Variants in ZNF536 observed in about 807,000 individuals in gnomAD.
ZNF536 encodes zinc finger protein 536.
In ZNF536, 13 loss-of-function variants were observed where a neutral mutation model predicts 84.5. That is an observed-to-expected ratio of 0.15 (90% CI 0.10 to 0.24). The LOEUF (loss-of-function observed/expected upper bound fraction) is 0.24. Ranked by LOEUF, ZNF536 falls within the 10% of genes least tolerant of loss-of-function variation. The probability of loss-of-function intolerance (pLI) is 1.00; values close to 1 mark genes in which losing one functional copy is unlikely to be tolerated. For missense variants in ZNF536, 1,536 were observed against 1,747.5 expected (o/e 0.88, Z 2.16); for synonymous variants, 811 against 742.5 (o/e 1.09, Z -1.50).
At chr19:30,317,350 A>AC (rs947795866) in intron 2 of ZNF536, among the ~76,000 whole-genome samples, 48 of 151,992 alleles carry the variant, frequency 3.2e-4, no homozygotes, top group African/African-American at 1.0e-3. Flanking sequence ...ATCTCAAGCC[A>AC]CCCCCCAGGC....
intron 2 of ZNF536, among the ~76,000 whole-genome samples, chr19:30,348,526 G>A (rs367807624): frequency 6.6e-6 from 1 of 152,184 alleles, no homozygotes; most frequent in African/African-American, 2.4e-5. Context: ...CCCTCAACAA[G>A]TCTTCCTGTG....
At chr19:30,402,392 T>C (rs554331395) in intron 1 of ZNF536, among the ~76,000 whole-genome samples, 9 of 152,310 alleles carry the variant, frequency 5.9e-5, no homozygotes, top group South Asian at 2.1e-4. Flanking sequence ...TTTTGGGTTA[T>C]ACTGATGTCA....
chr19:30,266,774 C>T (rs78552036), intron 1 of ZNF536, among the ~76,000 whole-genome samples: 2,449 of 152,186 alleles, frequency 0.016, 68 homozygotes, highest in African/African-American at 0.055. Context: ...ATTTAAAATA[C>T]CTTCTACTTA....
chr19:30,260,072 G>A (rs557972103), intron 1 of ZNF536, among the ~76,000 whole-genome samples: 1 of 152,246 alleles, frequency 6.6e-6, no homozygotes, highest in South Asian at 2.1e-4. Flanking sequence ...GCTATTGGAT[G>A]CTTCTTTCTT....
intron 2 of ZNF536, among the ~76,000 whole-genome samples, chr19:30,328,910 C>T (rs1357027804): frequency 6.6e-6 from 1 of 152,220 alleles, no homozygotes; most frequent in East Asian, 1.9e-4. Flanking sequence ...TTCTCTCTCT[C>T]ACTTTTCTAC....
At chr19:30,263,294 TA>T (rs2025324148) in intron 1 of ZNF536, among the ~76,000 whole-genome samples, 1 of 152,168 alleles carries the variant, frequency 6.6e-6, no homozygotes, top group Admixed American at 6.5e-5. Flanking sequence ...GGAAAGCATT[TA>T]CTGGGTCCCT....
intron 1 of ZNF536, among the ~76,000 whole-genome samples, chr19:30,384,165 G>A (rs1251031732): frequency 2.0e-5 from 1 of 49,796 alleles, no homozygotes; most frequent in Admixed American, 2.4e-4. Context: ...TCTTTCTTTC[G>A]TTTCCTTCTT....
chr19:30,583,245 T>C (rs191148395), intron 1 of ZNF536, among the ~76,000 whole-genome samples: 1 of 152,024 alleles, frequency 6.6e-6, no homozygotes, highest in East Asian at 1.9e-4. Flanking sequence ...AGTGTGGGAG[T>C]CACAGGAGGA....
intron 1 of ZNF536, among the ~76,000 whole-genome samples, chr19:30,430,413 TCA>T (rs1246085719): frequency 6.6e-6 from 1 of 152,180 alleles, no homozygotes; most frequent in Admixed American, 6.5e-5. Context: ...AAGCCGATGG[TCA>T]CAGTGTGGCC....
intron 1 of ZNF536, among the ~76,000 whole-genome samples, chr19:30,383,715 C>CT (rs1244898575): frequency 2.5e-5 from 1 of 40,374 alleles, no homozygotes; most frequent in African/African-American, 8.6e-5. Flanking sequence ...TTCTTTCTTT[C>CT]TTTCTTTCTT....
intron 3 of ZNF536, among the ~76,000 whole-genome samples, chr19:30,539,705 TG>T (rs547417983): frequency 2.0e-5 from 3 of 152,138 alleles, no homozygotes; most frequent in African/African-American, 7.2e-5. Context: ...GCCAGGTGCC[TG>T]GGGGTACTCT....
intron 1 of ZNF536, among the ~76,000 whole-genome samples, chr19:30,678,740 CA>C (rs201348390): frequency 6.6e-5 from 10 of 150,434 alleles, no homozygotes; most frequent in Non-Finnish European, 1.0e-4. Context: ...CAAGCCCCCC[CA>C]CACACACCTA....
At chr19:30,229,512 G>A (rs1385162086) in intron 1 of ZNF536, among the ~76,000 whole-genome samples, 1 of 152,146 alleles carries the variant, frequency 6.6e-6, no homozygotes, top group East Asian at 1.9e-4. Flanking sequence ...CTTGTTTGCC[G>A]GCCAGCCTGG....
intron 1 of ZNF536, among the ~76,000 whole-genome samples, chr19:30,655,624 G>A (rs1394532180): frequency 1.3e-5 from 2 of 152,236 alleles, no homozygotes; most frequent in Non-Finnish European, 2.9e-5. Flanking sequence ...GCAGAATTGA[G>A]CTGGGCCTGC....
rs369935263 is a variant in ZNF536, at chr19:30,445,574, G to C, written c.2012G>C (p.Arg671Pro). 1.9e-6 allele frequency: 3 copies of C among 1,613,202 alleles called. No individual in the cohort carries two copies. The highest frequency in any genetic ancestry group is 3.3e-5 in the Admixed American group (2 of 60,004). The change falls in exon 2 of 5, where the codon CGG becomes CCG. Residue 671 changes from arginine to proline, a missense_variant. Arg to Pro is a moderately radical substitution (Grantham distance 103, BLOSUM62 -2). This residue lies in a region of ZNF536 where 366 missense variants were observed against 364.4 expected (regional missense o/e 1.00). Coordinates refer to ENST00000355537, the MANE Select transcript of ZNF536 (RefSeq NM_014717.3). The surrounding 1 kb of genome is among the most constrained non-coding windows in gnomAD (Gnocchi z 4.5). ...EDGLHVGLDE[R>P]RGSGSDQESQ... ...GGGCTGCACGTGGGCCTGGATGAGC[G>C]GCGTGGCTCGGGCAGTGACCAGGAG...
chr19:30,380,491 T>A (rs2048981878), intron 1 of ZNF536, among the ~76,000 whole-genome samples: 1 of 152,168 alleles, frequency 6.6e-6, no homozygotes, highest in African/African-American at 2.4e-5. Flanking sequence ...ATCTGAGTTA[T>A]CAGTGGCCAA....
rs5827705 is a variant in ZNF536, at chr19:30,348,814, CT to C, written c.-119-3541del. On this transcript the variant is annotated intron_variant, in intron 2 of 5. Coordinates refer to the ZNF536 transcript ENST00000585628. Reference sequence around the variant, plus strand: ...CATCCATTTTCTTTTTTTTTCTTTTCTTTTTTTTTTTTTATTTTCACGTGAT... The same window carrying C: ...CATCCATTTTCTTTTTTTTTCTTTTCTTTTTTTTTTTTATTTTCACGTGAT... Among the ~76,000 whole-genome samples the C allele has an allele frequency of 2.8e-3, 365 of 132,514 alleles. 1 individual carries two copies. Among genetic ancestry groups the C allele is most frequent in the African/African-American group, 4.6e-3 (170 of 36,592 alleles). The allele number at this position is 132,514 out of a possible 152,430, so 86.9% of individuals were successfully genotyped here. A position where few individuals can be genotyped will look rare whatever the true frequency, so the allele number is the denominator to read the frequency against.
At chr19:30,473,605 C>T (rs2053729509) in intron 2 of ZNF536, among the ~76,000 whole-genome samples, 1 of 152,236 alleles carries the variant, frequency 6.6e-6, no homozygotes, top group Admixed American at 6.5e-5. Flanking sequence ...CCCATCCTCA[C>T]ACATGCCTCC....
chr19:30,396,952 A>G (rs572520845), intron 1 of ZNF536, among the ~76,000 whole-genome samples: 1 of 152,056 alleles, frequency 6.6e-6, no homozygotes, highest in African/African-American at 2.4e-5. Context: ...CCAGCTAGGC[A>G]CCTCCACCTT....
Sources: allele counts gnomAD v4.1 joint callset (sites outside exome capture counted in the v4.1 genomes callset), GRCh38; gene constraint gnomAD v4.1.1; regional missense constraint gnomAD v4.1.1; non-coding constraint Gnocchi (gnomAD v3.1); transcripts MANE v1.5; gene names NCBI Gene and HGNC (gene_info 2026-07-23, HGNC 2026-07-21).